Variants in OTUD7A observed in about 807,000 individuals in gnomAD.
OTUD7A encodes the protein OTU domain-containing protein 7A.
A neutral mutation model predicts 65.7 loss-of-function variants in OTUD7A; 12 were observed. The observed-to-expected ratio is 0.18, with a 90% CI of 0.12 to 0.30. OTUD7A has a LOEUF of 0.30. OTUD7A is among the 10% of genes least tolerant of loss of function. The pLI, the probability that OTUD7A is intolerant of heterozygous loss-of-function variation, is 1.00. For missense variants in OTUD7A, 1,148 were observed against 1,304.8 expected, an observed-to-expected ratio of 0.88 and a Z score of 1.85; for synonymous variants, 641 against 586.3, an observed-to-expected ratio of 1.09 and a Z score of -1.35.
chr15:31,603,959 GA>G (rs1890159548), intron 3 of OTUD7A, among the ~76,000 whole-genome samples: 1 of 152,212 alleles, frequency 6.6e-6, no homozygotes, highest in South Asian at 2.1e-4. Context: ...TGCTGGAGAG[GA>G]TGTGGAGAAA....
chr15:31,689,581 T>G (rs1282834001), intron 1 of OTUD7A: 1 of 152,104 alleles, frequency 6.6e-6, no homozygotes, highest in Non-Finnish European at 1.5e-5. Flanking sequence ...GTTTAAAAAT[T>G]AAATATTAAT....
In OTUD7A at chr15:31,479,096, T is replaced by A. The variant is rs2041071948; in HGVS notation, c.*4198A>T. Reference sequence around the variant, plus strand: ...GTAAATGGGAAGGTGGTGCCTCAGATCTCTAGAGAGCCACCACTTTAAGGC... The same window carrying A: ...GTAAATGGGAAGGTGGTGCCTCAGAACTCTAGAGAGCCACCACTTTAAGGC... On this transcript the variant is annotated 3_prime_UTR_variant, in exon 13 of 13. Transcript: ENST00000307050. 6.6e-6 allele frequency: 1 copy of A among 152,204 alleles called. No homozygotes were observed. The highest frequency in any genetic ancestry group is 2.1e-4 in the South Asian group (1 of 4,826). The allele number at this position is 152,204 out of a possible 1,614,324, so 9.4% of individuals were successfully genotyped here.
rs1216266091 is a variant in OTUD7A at position 31,475,680 on chromosome 15, G to A, written c.*7614C>T. On this transcript the variant is annotated 3_prime_UTR_variant, in exon 13 of 13. Transcript: ENST00000307050. ...CCACAGAAGACAGCTCTTACAATGG[G>A]TTTCTTCTCCAAGAATGGACCGGAT... 1.3e-5 allele frequency: 2 copies of A among 152,258 alleles called. No individual in the cohort carries two copies. Among genetic ancestry groups the A allele is most frequent in the East Asian group, 3.9e-4 (2 of 5,190 alleles). The allele number at this position is 152,258 out of a possible 1,614,324, so 9.4% of individuals were successfully genotyped here.
intron 8 of OTUD7A, among the ~76,000 whole-genome samples, chr15:31,518,428 G>A (rs1051645968): frequency 1.3e-5 from 2 of 151,884 alleles, no homozygotes; most frequent in Non-Finnish European, 2.9e-5. Context: ...AGCCGAGATC[G>A]CACCACTGCA....
intron 1 of OTUD7A, chr15:31,767,315 G>A (rs1895116664): frequency 2.5e-6 from 2 of 791,684 alleles, no homozygotes; most frequent in Admixed American, 1.9e-5. Flanking sequence ...CAACCAAAAT[G>A]TTCACAAGTA....
intron 1 of OTUD7A, among the ~76,000 whole-genome samples, chr15:31,769,383 A>T (rs764078206): frequency 6.6e-6 from 1 of 152,230 alleles, no homozygotes; most frequent in Non-Finnish European, 1.5e-5. Flanking sequence ...GAAGCAAAAA[A>T]TACCTGGAAT....
At chr15:31,830,720 T>C (rs1502998) in intron 1 of OTUD7A, among the ~76,000 whole-genome samples, 142,481 of 152,276 alleles carry the variant, frequency 0.94, 67,384 homozygotes, top group East Asian at 1. Flanking sequence ...GAATCCAGTA[T>C]GAAGAGACAC....
At chr15:31,618,557 G>T (rs1457036550) in intron 3 of OTUD7A, among the ~76,000 whole-genome samples, 1 of 152,148 alleles carries the variant, frequency 6.6e-6, no homozygotes, top group Non-Finnish European at 1.5e-5. Context: ...TCATGTGTCT[G>T]TTGGCTGCAT....
intron 10 of OTUD7A, among the ~76,000 whole-genome samples, chr15:31,495,149 T>C (rs2041365265): frequency 6.6e-6 from 1 of 152,092 alleles, no homozygotes; most frequent in Non-Finnish European, 1.5e-5. Flanking sequence ...TTCTCTTCTC[T>C]CCAGGCCTTC....
chr15:31,594,716 G>A (rs1044805743), intron 3 of OTUD7A, among the ~76,000 whole-genome samples: 2 of 152,178 alleles, frequency 1.3e-5, no homozygotes, highest in Non-Finnish European at 2.9e-5. Flanking sequence ...ACTCATGGAG[G>A]GATCAGAATT....
intron 1 of OTUD7A, among the ~76,000 whole-genome samples, chr15:31,803,084 C>T (rs1451552150): frequency 6.6e-6 from 1 of 152,166 alleles, no homozygotes; most frequent in African/African-American, 2.4e-5. Context: ...AGAGCATTCC[C>T]AGACAAATGA....
At chr15:31,512,417 G>A (rs1048235649) in intron 8 of OTUD7A, among the ~76,000 whole-genome samples, 5 of 152,140 alleles carry the variant, frequency 3.3e-5, no homozygotes, top group Admixed American at 6.5e-5. Context: ...TCCTGGTGTC[G>A]TAAAGCAATA....
intron 1 of OTUD7A, among the ~76,000 whole-genome samples, chr15:31,664,551 A>G (rs1050486505): frequency 5.3e-5 from 8 of 151,594 alleles, no homozygotes; most frequent in African/African-American, 1.7e-4. Flanking sequence ...TAGATTCTGG[A>G]TATTAGTCCT....
At chr15:31,744,967 C>T (rs1207926913) in intron 1 of OTUD7A, among the ~76,000 whole-genome samples, 1 of 151,924 alleles carries the variant, frequency 6.6e-6, no homozygotes, top group African/African-American at 2.4e-5. Context: ...TTTGAAAAAA[C>T]ATAAAATAAT....
chr15:31,806,962 G>A (rs1185803262), intron 1 of OTUD7A, among the ~76,000 whole-genome samples: 1 of 152,170 alleles, frequency 6.6e-6, no homozygotes, highest in Non-Finnish European at 1.5e-5. Flanking sequence ...CTGGGGATGT[G>A]TACTCATTCA....
chr15:31,732,588 A>G (rs932105407), intron 1 of OTUD7A, among the ~76,000 whole-genome samples: 6 of 152,226 alleles, frequency 3.9e-5, no homozygotes, highest in African/African-American at 9.6e-5. Flanking sequence ...TCACTTGGAA[A>G]CGCCACAGCG....
Position 31,527,204 on chromosome 15 carries a change from G to C in OTUD7A, c.757C>G (p.Gln253Glu), listed in dbSNP as rs746309444. ...REALKRRWRW[Q>E]QTQQNKESGL... ...ACCTCCTTATTCTGCTGCGTCTGCT[G>C]CCACCTCCACCTCCGCTTCAGGGCT... Residue 253 changes from glutamine to glutamate, a missense_variant, in exon 7 of 13, where the codon CAG becomes GAG. Physicochemically the swap from Gln to Glu is conservative, Grantham distance 29 (BLOSUM62 2). Transcript: ENST00000307050. 1 of 1,614,176 alleles carries C rather than the reference G, an allele frequency of 6.2e-7. No homozygotes were observed. Among genetic ancestry groups the C allele is most frequent in the Non-Finnish European group, 8.5e-7 (1 of 1,180,018 alleles).
chr15:31,524,539 C>T (rs2041984336), intron 8 of OTUD7A, among the ~76,000 whole-genome samples: 1 of 150,618 alleles, frequency 6.6e-6, no homozygotes, highest in Non-Finnish European at 1.5e-5. Context: ...CCCCACCCCA[C>T]CCCACCTGTG....
chr15:31,610,302 A>T (rs1251582640), intron 3 of OTUD7A, among the ~76,000 whole-genome samples: 1 of 152,186 alleles, frequency 6.6e-6, no homozygotes, highest in East Asian at 1.9e-4. Flanking sequence ...CCAAATCTAT[A>T]CAACAGGTAC....
Sources: allele counts gnomAD v4.1 joint callset (sites outside exome capture counted in the v4.1 genomes callset), GRCh38; gene constraint gnomAD v4.1.1; transcripts MANE v1.5; gene names NCBI Gene and HGNC (gene_info 2026-07-23, HGNC 2026-07-21).